The following RAF1 variants were observed in gnomAD, a reference collection of about 807,000 sequenced individuals.
The protein encoded by RAF1 is RAF proto-oncogene serine/threonine-protein kinase.
Under a neutral mutation model 81.1 loss-of-function variants are expected in RAF1, and 27 were observed. The ratio of observed to expected loss-of-function variants is 0.33; its 90% CI spans 0.25 to 0.46. The LOEUF is 0.46. Among genes scored for constraint, RAF1 ranks in the 20% least tolerant of loss-of-function variants. The pLI is 1.00. For synonymous variants in RAF1, 298 were observed against 294.0 expected, an observed-to-expected ratio of 1.01 and a Z score of -0.14; for missense variants, 598 against 826.0, an observed-to-expected ratio of 0.72 and a Z score of 3.38.
intron 2 of RAF1, among the ~76,000 whole-genome samples, chr3:12,617,261 CA>C (rs1331225664): frequency 8.5e-5 from 13 of 152,066 alleles, no homozygotes; most frequent in Non-Finnish European, 2.9e-5. Flanking sequence ...TACAAACGTG[CA>C]ACACCATGCC....
At chr3:12,596,032 T>G (rs1311641249) in intron 11 of RAF1, among the ~76,000 whole-genome samples, 1 of 151,222 alleles carries the variant, frequency 6.6e-6, no homozygotes, top group East Asian at 2.0e-4. Flanking sequence ...CACAGCACCA[T>G]GGTCAGCTAA....
rs1471578103 is a variant in RAF1, at chr3:12,635,076, A to C, written c.-26-16329T>G. Among the ~76,000 whole-genome samples, 4 of 152,152 alleles carry C rather than the reference A, an allele frequency of 2.6e-5. No homozygotes were observed. The East Asian group carries it at 5.8e-4, about 22-fold the overall frequency. On this transcript the variant is annotated intron_variant, in intron 1 of 17. Coordinates refer to ENST00000442415, the MANE Select transcript of RAF1 (RefSeq NM_001354689.3). ...CACGATGGCTCACACTTGTAATCCCAGCACTATGGGAAGCCAAGGTGGGTG... is the reference window on the plus strand; with the variant it reads ...CACGATGGCTCACACTTGTAATCCCCGCACTATGGGAAGCCAAGGTGGGTG...
chr3:12,600,513 T>C, intron 8 of RAF1, 98 bp from the exon 8 acceptor site: 1 of 1,343,078 alleles, frequency 7.4e-7, no homozygotes, highest in East Asian at 2.3e-5. Flanking sequence ...ACAAAATAGA[T>C]TATAAAAACC....
chr3:12,633,520 GAAAAAAA>G (rs1559466821), intron 1 of RAF1, among the ~76,000 whole-genome samples: 1 of 146,820 alleles, frequency 6.8e-6, no homozygotes, highest in African/African-American at 2.5e-5. Context: ...AAAGAAAAAA[GAAAAAAA>G]TCCACAATGA....
chr3:12,610,663 T>G (rs1219851419), intron 3 of RAF1, among the ~76,000 whole-genome samples: 1 of 152,154 alleles, frequency 6.6e-6, no homozygotes, highest in Admixed American at 6.5e-5. Flanking sequence ...CCCCTTCGAG[T>G]AGATTCATTC....
intron 12 of RAF1, 117 bp downstream of exon 11, chr3:12,591,591 A>T: frequency 1.2e-6 from 1 of 845,990 alleles, no homozygotes; most frequent in Non-Finnish European, 2.0e-6. Flanking sequence ...CAGAAACTCC[A>T]CAGTGAGTCC....
chr3:12,644,854 C>G (rs5746173), intron 1 of RAF1, among the ~76,000 whole-genome samples: 34,976 of 151,872 alleles, frequency 0.23, 4,586 homozygotes, highest in African/African-American at 0.36. Context: ...AATCCCAGCA[C>G]TTTGGGAGGC....
At chr3:12,613,593 G>A (rs913624721) in intron 2 of RAF1, among the ~76,000 whole-genome samples, 19 of 152,144 alleles carry the variant, frequency 1.2e-4, no homozygotes, top group Non-Finnish European at 2.5e-4. Context: ...TTCTCTAGCT[G>A]GTTTACAACA....
intron 1 of RAF1, among the ~76,000 whole-genome samples, chr3:12,638,745 G>T (rs2060099610): frequency 6.6e-6 from 1 of 152,106 alleles, no homozygotes. Context: ...TCCTGCTCAA[G>T]AAATGTAAAA....
chr3:12,599,207 G>A (rs1401389726), intron 11 of RAF1: 1 of 159,982 alleles, frequency 6.3e-6, no homozygotes, highest in Non-Finnish European at 1.4e-5. Flanking sequence ...CTGTTTGATA[G>A]GGACACCCAC....
chr3:12,613,830 T>C (rs1336073304), intron 2 of RAF1, among the ~76,000 whole-genome samples: 1 of 152,214 alleles, frequency 6.6e-6, no homozygotes, highest in East Asian at 1.9e-4. Flanking sequence ...ATCTGCCCAG[T>C]AATCATTCTT....
rs530199836 is a variant in RAF1 at position 12,647,456 on chromosome 3, G to A, written c.-27+16357C>T. ...TCTCTACAAAAAATCAGCCATGCAC[G>A]GTGTAGCACATGTGTAGTCCCAGCT... On this transcript the variant is annotated intron_variant, in intron 1 of 17. Coordinates refer to ENST00000442415, the MANE Select transcript of RAF1 (RefSeq NM_001354689.3). Among the ~76,000 whole-genome samples, 28 of 142,778 alleles carry A rather than the reference G, an allele frequency of 2.0e-4. No individual in the cohort carries two copies. In the South Asian group the frequency reaches 4.7e-3, roughly 24 times the overall value. 93.7% of individuals were successfully genotyped at this position (142,778 alleles called of 152,430 possible).
intron 1 of RAF1, among the ~76,000 whole-genome samples, chr3:12,660,237 TCTCA>T (rs2060832891): frequency 6.6e-6 from 1 of 152,136 alleles, no homozygotes; most frequent in Non-Finnish European, 1.5e-5. Flanking sequence ...TTAATCTGCT[TCTCA>T]CTGTTTTTTT....
At chr3:12,612,686 T>C (rs1161631504) in intron 2 of RAF1, among the ~76,000 whole-genome samples, 1 of 150,844 alleles carries the variant, frequency 6.6e-6, no homozygotes, top group Admixed American at 6.6e-5. Context: ...AATCTGTATA[T>C]GTTATACAAG....
At chr3:12,594,672 A>T (rs1195437875) in intron 11 of RAF1, among the ~76,000 whole-genome samples, 1 of 152,220 alleles carries the variant, frequency 6.6e-6, no homozygotes, top group Non-Finnish European at 1.5e-5. Context: ...TGGAACAATG[A>T]ATATGACTTA....
chr3:12,608,673 C>T (rs922259107), intron 5 of RAF1, 93 bp downstream of exon 5: 2 of 1,379,590 alleles, frequency 1.4e-6, no homozygotes, highest in South Asian at 1.2e-5. Flanking sequence ...AGTCTAGAAT[C>T]CAGACCTGTC....
Position 12,618,629 on chromosome 3 carries a change from TGTA to T in RAF1, c.90_92del (p.Thr31del). The T allele has an allele frequency of 1.2e-6, 2 of 1,614,234 alleles. No homozygotes were observed. Among genetic ancestry groups the T allele is most frequent in the South Asian group, 2.2e-5 (2 of 91,086 alleles). On this transcript the variant is annotated inframe_deletion, in exon 2 of 18. Coordinates refer to ENST00000442415, the MANE Select transcript of RAF1 (RefSeq NM_001354689.3). Reference sequence around the variant, plus strand: ...GCTGATAGCCAAACTGCTGAACTATTGTAGGAGAGATGCAGCTGGAGCCATCAA... The same window carrying T: ...GCTGATAGCCAAACTGCTGAACTATTGGAGAGATGCAGCTGGAGCCATCAA...
chr3:12,659,850 A>G (rs1443534666), intron 1 of RAF1, among the ~76,000 whole-genome samples: 1 of 152,180 alleles, frequency 6.6e-6, no homozygotes, highest in African/African-American at 2.4e-5. Context: ...TCCCAAGCTC[A>G]AGATTATTAT....
chr3:12,638,260 T>G (rs904319598), intron 1 of RAF1, among the ~76,000 whole-genome samples: 2 of 152,194 alleles, frequency 1.3e-5, no homozygotes, highest in African/African-American at 4.8e-5. Context: ...ACATATGGCA[T>G]CTGGGCTATC....
Sources: allele counts gnomAD v4.1 joint callset (sites outside exome capture counted in the v4.1 genomes callset), GRCh38; gene constraint gnomAD v4.1.1; transcripts MANE v1.5; gene names NCBI Gene and HGNC (gene_info 2026-07-23, HGNC 2026-07-21).